DOCK7: variants seen among roughly 807,000 people sequenced by gnomAD.
DOCK7 encodes the protein dedicator of cytokinesis 7, also known as dedicator of cytokinesis protein 7.
A neutral mutation model predicts 271.0 loss-of-function variants in DOCK7; 138 were observed. That is an observed-to-expected ratio of 0.51 (90% CI 0.44 to 0.59). DOCK7 has a LOEUF of 0.59. Ranked by LOEUF, DOCK7 falls within the 20% of genes least tolerant of loss-of-function variation. The pLI is 0.00. For synonymous variants in DOCK7, 823 were observed against 876.1 expected, an observed-to-expected ratio of 0.94 and a Z score of 1.07; for missense variants, 2,066 against 2,592.4, an observed-to-expected ratio of 0.80 and a Z score of 4.41.
At chr1:62,489,904 T>C (rs2149288296) in intron 41 of DOCK7, among the ~76,000 whole-genome samples, 1 of 152,248 alleles carries the variant, frequency 6.6e-6, no homozygotes, top group South Asian at 2.1e-4. Flanking sequence ...GTAAATCTCC[T>C]ATGGAAAAAT....
chr1:62,553,562 C>T (rs867771780), intron 21 of DOCK7, among the ~76,000 whole-genome samples: 18 of 149,076 alleles, frequency 1.2e-4, no homozygotes, highest in South Asian at 6.4e-4. Flanking sequence ...TTTGTAGAGA[C>T]GGGGTCTTGC....
chr1:62,584,266 G>T (rs1208683398), intron 15 of DOCK7: 1 of 972,488 alleles, frequency 1.0e-6, no homozygotes, highest in East Asian at 1.1e-4. Context: ...ACTTTCCTAA[G>T]ATATATATTA....
intron 1 of DOCK7, among the ~76,000 whole-genome samples, chr1:62,665,209 G>A (rs1659152513): frequency 1.3e-5 from 2 of 151,920 alleles, no homozygotes; most frequent in South Asian, 2.1e-4. Flanking sequence ...GGCTGGTCTC[G>A]AACTCCTCAC....
chr1:62,607,963 T>C (rs1178230728), intron 14 of DOCK7: 1 of 152,344 alleles, frequency 6.6e-6, no homozygotes, highest in African/African-American at 2.4e-5. Flanking sequence ...GTGCCTGTAA[T>C]CCCAACTACT....
intron 14 of DOCK7, among the ~76,000 whole-genome samples, chr1:62,602,685 A>G (rs1388822534): frequency 1.3e-5 from 2 of 151,762 alleles, no homozygotes; most frequent in Non-Finnish European, 3.0e-5. Context: ...ATGTTATGTC[A>G]TAAGTAGTAA....
intron 38 of DOCK7, 74 bp from the exon 39 acceptor site, chr1:62,495,755 T>G (rs1378451602): frequency 8.5e-7 from 1 of 1,175,908 alleles, no homozygotes; most frequent in African/African-American, 1.6e-5. Context: ...GTTTCAGAGA[T>G]ATTTCAGATA....
chr1:62,460,778 T>G (rs527554739), intron 48 of DOCK7, among the ~76,000 whole-genome samples: 2 of 152,228 alleles, frequency 1.3e-5, no homozygotes, highest in South Asian at 2.1e-4. Context: ...CACCTTAGCC[T>G]CCCAATTAGC....
At chr1:62,518,797 G>A in intron 31 of DOCK7, among the ~76,000 whole-genome samples, 1 of 151,098 alleles carries the variant, frequency 6.6e-6, no homozygotes, top group Non-Finnish European at 1.5e-5. Flanking sequence ...ACTATAATGG[G>A]GTAAGACAAT....
At chr1:62,485,131 A>G (rs1438315796) in intron 43 of DOCK7, 1 of 983,472 alleles carries the variant, frequency 1.0e-6, no homozygotes, top group Non-Finnish European at 1.2e-6. Flanking sequence ...GTGAGACCCC[A>G]TCTCATAAAC....
rs753899075 is a variant in DOCK7, at chr1:62,597,758, G to A, written c.1683-11134C>T. 25 of 1,613,386 alleles carry A rather than the reference G, an allele frequency of 1.5e-5. No homozygotes were observed. The Admixed American group carries it at 2.8e-4, about 18-fold the overall frequency. ...GTCTTAAAGACTTTGTCCATAAGACGAAGGGCCAAATTAATGACATATTTC... is the reference window on the plus strand; with the variant it reads ...GTCTTAAAGACTTTGTCCATAAGACAAAGGGCCAAATTAATGACATATTTC... On this transcript the variant is annotated intron_variant, in intron 14 of 49. Coordinates refer to ENST00000635253, the MANE Select transcript of DOCK7 (RefSeq NM_001367561.1).
intron 14 of DOCK7, chr1:62,602,014 T>C: frequency 3.2e-6 from 2 of 619,324 alleles, no homozygotes; most frequent in Non-Finnish European, 5.6e-6. Flanking sequence ...ATAAATATAA[T>C]ACTTTTACCT....
intron 31 of DOCK7, among the ~76,000 whole-genome samples, chr1:62,523,301 T>C (rs1781195): frequency 0.58 from 88,657 of 151,948 alleles, 27,533 homozygotes; most frequent in East Asian, 0.76. Context: ...ATTTCAGAGA[T>C]GTAGGGAAAA....
rs890844313 is a variant in DOCK7, at chr1:62,495,504, AT to A, written c.5024+76del. ...AATCACAAATCATTTTTGTGTGTTT[AT>A]TTTTTTCATCTAATGCTTACTGTAT... On this transcript the variant is annotated intron_variant, in intron 39 of 49. Coordinates refer to ENST00000635253, the MANE Select transcript of DOCK7 (RefSeq NM_001367561.1). 7.0e-5 allele frequency: 60 copies of A among 855,078 alleles called. No individual in the cohort carries two copies. In the East Asian group the frequency reaches 8.7e-4, roughly 12 times the overall value. The allele number at this position is 855,078 out of a possible 1,614,324, so 53.0% of individuals were successfully genotyped here. A position where few individuals can be genotyped will look rare whatever the true frequency, so the allele number is the denominator to read the frequency against.
intron 22 of DOCK7, among the ~76,000 whole-genome samples, chr1:62,545,577 A>T (rs549498104): frequency 6.6e-6 from 1 of 152,268 alleles, no homozygotes; most frequent in Non-Finnish European, 1.5e-5. Context: ...AAAACTTAAG[A>T]AAAAAATGAT....
At chr1:62,570,764 C>A (rs1039055877) in intron 18 of DOCK7, among the ~76,000 whole-genome samples, 2 of 152,088 alleles carry the variant, frequency 1.3e-5, no homozygotes, top group African/African-American at 4.8e-5. Flanking sequence ...CACCTACAAC[C>A]ATCTGATCTT....
chr1:62,538,231 A>T (rs1645410520), intron 27 of DOCK7, among the ~76,000 whole-genome samples, 170 bp from the exon 28 acceptor site: 1 of 152,226 alleles, frequency 6.6e-6, no homozygotes. Flanking sequence ...AAAATTAAAA[A>T]TTTTAAACTA....
At chr1:62,666,625 T>A (rs1332539056) in intron 1 of DOCK7, among the ~76,000 whole-genome samples, 2 of 152,184 alleles carry the variant, frequency 1.3e-5, no homozygotes, top group African/African-American at 2.4e-5. Flanking sequence ...CATATCATGA[T>A]CCAAAGTATG....
intron 14 of DOCK7, chr1:62,598,866 T>A: frequency 9.9e-7 from 1 of 1,010,580 alleles, no homozygotes; most frequent in South Asian, 1.3e-5. Flanking sequence ...AAACACTGAA[T>A]CCTAAAATTA....
intron 14 of DOCK7, among the ~76,000 whole-genome samples, chr1:62,606,689 A>G (rs906251312): frequency 2.0e-5 from 3 of 151,698 alleles, no homozygotes; most frequent in African/African-American, 7.3e-5. Context: ...TTATAACCCT[A>G]TTCCTTTCTC....
Sources: allele counts gnomAD v4.1 joint callset (sites outside exome capture counted in the v4.1 genomes callset), GRCh38; gene constraint gnomAD v4.1.1; transcripts MANE v1.5; gene names NCBI Gene and HGNC (gene_info 2026-07-23, HGNC 2026-07-21).